The following MIER1 variants were observed in gnomAD, a reference collection of about 807,000 sequenced individuals.
The protein encoded by MIER1 is mesoderm induction early response protein 1.
In MIER1, 40 loss-of-function variants were observed where a neutral mutation model predicts 75.7. The ratio of observed to expected loss-of-function variants is 0.53; its 90% CI spans 0.41 to 0.69. The LOEUF is 0.69. MIER1 is among the 30% of genes least tolerant of loss of function. The pLI is 0.00. For synonymous variants in MIER1, 213 were observed against 223.4 expected (o/e 0.95, Z 0.42); for missense variants, 574 against 680.2 (o/e 0.84, Z 1.74).
At chr1:66,948,819 G>A (rs1289131444) in intron 4 of MIER1, among the ~76,000 whole-genome samples, 2 of 152,092 alleles carry the variant, frequency 1.3e-5, no homozygotes, top group Admixed American at 6.6e-5. Context: ...GGATTGCTGG[G>A]GTCCAGGAAT....
chr1:66,973,639 AT>A (rs948482073), intron 11 of MIER1, among the ~76,000 whole-genome samples: 1 of 152,044 alleles, frequency 6.6e-6, no homozygotes, highest in Non-Finnish European at 1.5e-5. Context: ...TATAACTGAA[AT>A]TAGGTATGAT....
rs568020028 is a variant in MIER1 at position 66,974,433 on chromosome 1, TTTG to T, written c.1101+1460_1101+1462del. Among the ~76,000 whole-genome samples, 922 of 151,670 alleles carry T rather than the reference TTTG, an allele frequency of 6.1e-3. 8 individuals are homozygous for T. Among genetic ancestry groups the T allele is most frequent in the African/African-American group, 0.021 (874 of 41,150 alleles). On this transcript the variant is annotated intron_variant, in intron 11 of 13. Transcript: ENST00000401041. ...CAACATTTTTGGATGAGGTTTTTTT[TTTG>T]TTGTTGTTGTTGTTGTTTTTTAACA... is the stretch of plus-strand genomic sequence containing the variant.
At position 66,986,014 on chromosome 1, in the gene MIER1, A is replaced by T; in HGVS notation, c.*1114A>T. 5.0e-6 allele frequency: 5 copies of T among 991,728 alleles called. No individual in the cohort carries two copies. Among genetic ancestry groups the T allele is most frequent in the Non-Finnish European group, 6.0e-6 (5 of 833,942 alleles). The allele number at this position is 991,728 out of a possible 1,614,324, so 61.4% of individuals were successfully genotyped here. The stretch of plus-strand genomic sequence containing the variant: ...CTGACCAGAATCCTGTTATTTTTAT[A>T]TGCATCATAAAATTTCCCATTTCTG... On this transcript the variant is annotated 3_prime_UTR_variant, in exon 14 of 14. Transcript: ENST00000401041.
intron 7 of MIER1, among the ~76,000 whole-genome samples, chr1:66,962,326 A>G (rs1237807441): frequency 6.6e-6 from 1 of 152,134 alleles, no homozygotes; most frequent in Non-Finnish European, 1.5e-5. Context: ...TATCTATTTC[A>G]TTTAGAGTTT....
chr1:66,944,963 T>A (rs1043695391), intron 3 of MIER1, among the ~76,000 whole-genome samples: 3 of 152,024 alleles, frequency 2.0e-5, no homozygotes, highest in Admixed American at 2.0e-4. Flanking sequence ...TAGGCTCAGG[T>A]GATCCTCCCT....
intron 3 of MIER1, 45 bp from the exon 4 acceptor site, chr1:66,946,105 C>T (rs770124794): frequency 5.2e-6 from 8 of 1,542,282 alleles, no homozygotes; most frequent in Non-Finnish European, 7.0e-6. Flanking sequence ...TTAATAAGAT[C>T]CACTTAATTT....
intron 3 of MIER1, among the ~76,000 whole-genome samples, chr1:66,941,393 C>T (rs187317608): frequency 1.3e-4 from 19 of 151,782 alleles, no homozygotes; most frequent in Admixed American, 1.1e-3. Context: ...TGTTAGATCA[C>T]CATATTCATT....
intron 8 of MIER1, among the ~76,000 whole-genome samples, chr1:66,966,312 T>C (rs551705196): frequency 6.6e-6 from 1 of 152,322 alleles, no homozygotes; most frequent in African/African-American, 2.4e-5. Context: ...TGCGATAGTT[T>C]GCTGAGAATG....
intron 4 of MIER1, among the ~76,000 whole-genome samples, chr1:66,950,847 G>C (rs911060724): frequency 6.7e-6 from 1 of 150,054 alleles, no homozygotes; most frequent in East Asian, 1.9e-4. Context: ...CATCTCTCTA[G>C]TTCAGTCTGG....
At chr1:66,978,904 T>C (rs1665313393) in intron 12 of MIER1, among the ~76,000 whole-genome samples, 1 of 152,228 alleles carries the variant, frequency 6.6e-6, no homozygotes, top group Non-Finnish European at 1.5e-5. Flanking sequence ...GAAAACTTTT[T>C]GAAGATACTT....
rs1558139144 is a variant in MIER1 at position 66,988,015 on chromosome 1, CTTG to C, written c.*3118_*3120del. 1 of 152,206 alleles carries C rather than the reference CTTG, an allele frequency of 6.6e-6. No homozygotes were observed. The highest frequency in any genetic ancestry group is 1.5e-5 in the Non-Finnish European group (1 of 67,986). The allele number at this position is 152,206 out of a possible 1,614,324, so 9.4% of individuals were successfully genotyped here. A position where few individuals can be genotyped will look rare whatever the true frequency, so the allele number is the denominator to read the frequency against. On this transcript the variant is annotated 3_prime_UTR_variant, in exon 14 of 14. Coordinates refer to ENST00000401041, the MANE Select transcript of MIER1 (RefSeq NM_001077700.3). ...TCACATTATGTTTTGCAAAATAAAA[CTTG>C]TTTTGTCACAATATTTTCTTTGCTA...
At chr1:66,956,919 G>A (rs1244374013) in intron 4 of MIER1, among the ~76,000 whole-genome samples, 1 of 152,148 alleles carries the variant, frequency 6.6e-6, no homozygotes, top group Non-Finnish European at 1.5e-5. Flanking sequence ...AATCCAGTCT[G>A]ATTTACCCAT....
Position 66,930,277 on chromosome 1 carries a change from G to GCGGGAGCGGCAGAGA in MIER1, c.168+4039_168+4053dup, listed in dbSNP as rs1324215967. The GCGGGAGCGGCAGAGA allele has an allele frequency of 3.2e-5, 49 of 1,531,244 alleles. No homozygotes were observed. The African/African-American group carries it at 3.7e-4, about 12-fold the overall frequency. 94.9% of individuals were successfully genotyped at this position (1,531,244 alleles called of 1,614,324 possible). ...GCGCGTTCCCGCCGAGGCAGTGGCGGCGGGAGCGGCAGAGACGGCAGCGGC... is the reference window on the plus strand; with the variant it reads ...GCGCGTTCCCGCCGAGGCAGTGGCGGCGGGAGCGGCAGAGACGGGAGCGGCAGAGACGGCAGCGGC... On this transcript the variant is annotated intron_variant, in intron 2 of 13. Transcript: ENST00000401041.
At position 66,925,074 on chromosome 1, in the gene MIER1, G is replaced by A. The variant is rs1209124736; in HGVS notation, c.46G>A (p.Gly16Ser). The A allele has an allele frequency of 1.9e-6, 3 of 1,547,850 alleles. No individual in the cohort carries two copies. Among genetic ancestry groups the A allele is most frequent in the South Asian group, 1.2e-5 (1 of 83,966 alleles). ...SGGGGSSEGG[G>S]GSSGSGYGVV... ...CGGTGGCGGCAGCAGCGAAGGTGGCGGCGGCAGCAGCGGCAGCGGCTGTAA... is the reference window on the plus strand; with the variant it reads ...CGGTGGCGGCAGCAGCGAAGGTGGCAGCGGCAGCAGCGGCAGCGGCTGTAA... The change falls in exon 1 of 14, where the codon GGC becomes AGC. Residue 16 changes from glycine (G) to serine (S), a missense_variant. Coordinates refer to ENST00000401041, the MANE Select transcript of MIER1 (RefSeq NM_001077700.3).
chr1:66,971,743 A>G lies in MIER1; in HGVS notation c.1006+7A>G. 3 of 1,378,126 alleles carry G rather than the reference A, an allele frequency of 2.2e-6. No individual in the cohort carries two copies. Among genetic ancestry groups the G allele is most frequent in the East Asian group, 2.3e-5 (1 of 42,648 alleles). 85.4% of individuals were successfully genotyped at this position (1,378,126 alleles called of 1,614,324 possible). A position where few individuals can be genotyped will look rare whatever the true frequency, so the allele number is the denominator to read the frequency against. ...AATGTAAAAGCAGCTAGAGGTAAGT[A>G]TAGTTTTTATTCATTTTCATGATTT... On this transcript the variant is annotated splice_region_variant and intron_variant, in intron 10 of 13. Coordinates refer to ENST00000401041, the MANE Select transcript of MIER1 (RefSeq NM_001077700.3).
intron 4 of MIER1, among the ~76,000 whole-genome samples, chr1:66,951,775 A>G (rs923288462): frequency 6.6e-6 from 1 of 152,076 alleles, no homozygotes; most frequent in African/African-American, 2.4e-5. Context: ...ATCATGTACT[A>G]TGCCCACTTT....
At chr1:66,973,518 G>A (rs946699487) in intron 11 of MIER1, among the ~76,000 whole-genome samples, 1 of 151,882 alleles carries the variant, frequency 6.6e-6, no homozygotes, top group Admixed American at 6.6e-5. Flanking sequence ...ATAATTTGAG[G>A]ATTTTATTTA....
chr1:66,930,993 G>A (rs1055080772), intron 2 of MIER1, among the ~76,000 whole-genome samples: 1 of 151,948 alleles, frequency 6.6e-6, no homozygotes, highest in African/African-American at 2.4e-5. Flanking sequence ...TCCATCTCCC[G>A]CTCCCCAAGG....
chr1:66,977,572 A>G (rs1039912940), intron 12 of MIER1, among the ~76,000 whole-genome samples: 2 of 152,162 alleles, frequency 1.3e-5, no homozygotes, highest in African/African-American at 4.8e-5. Context: ...TCTTTATGTA[A>G]AATGTCTGAT....
Sources: gnomAD v4.1 joint callset for allele counts (sites outside exome capture counted in the v4.1 genomes callset) on GRCh38, gnomAD v4.1.1 for gene constraint, MANE v1.5 for transcripts, NCBI Gene and HGNC (gene_info 2026-07-23, HGNC 2026-07-21) for gene names.